Variants in GAK observed in about 807,000 individuals in gnomAD.
GAK encodes the protein cyclin G associated kinase, also known as cyclin-G-associated kinase.
In GAK, 79 loss-of-function variants were observed where a neutral mutation model predicts 143.9. The ratio of observed to expected loss-of-function variants is 0.55; its 90% CI spans 0.46 to 0.66. The LOEUF is 0.66. Among genes scored for constraint, GAK ranks in the 30% least tolerant of loss-of-function variants. The pLI is 0.00. For synonymous variants in GAK, 881 were observed against 765.5 expected, an observed-to-expected ratio of 1.15 and a Z score of -2.49; for missense variants, 1,693 against 1,779.7, an observed-to-expected ratio of 0.95 and a Z score of 0.88.
At chr4:852,074 T>C (rs1273454567) in intron 24 of GAK, 100 bp from the exon 25 acceptor site, 1 of 1,009,154 alleles carries the variant, frequency 9.9e-7, no homozygotes, top group Non-Finnish European at 1.5e-6. Flanking sequence ...AAACATGCGC[T>C]TGCAAAATAG....
chr4:903,998 T>G (rs1052807890), intron 5 of GAK, among the ~76,000 whole-genome samples: 1 of 152,268 alleles, frequency 6.6e-6, no homozygotes, highest in Non-Finnish European at 1.5e-5. Flanking sequence ...GAAGATCCGC[T>G]TCCACTGTTG....
In GAK at chr4:893,514, G is replaced by A. The variant is rs372477481; in HGVS notation, c.878-25C>T. 10 of 1,498,860 alleles carry A rather than the reference G, an allele frequency of 6.7e-6. No individual in the cohort carries two copies. In the Admixed American group the frequency reaches 6.7e-5, roughly 10 times the overall value. The allele number at this position is 1,498,860 out of a possible 1,614,324, so 92.8% of individuals were successfully genotyped here. On this transcript the variant is annotated intron_variant, in intron 8 of 27. Coordinates refer to ENST00000314167, the MANE Select transcript of GAK (RefSeq NM_005255.4). ...CCTGCAGCAGAAGCACAGCGCGCTC[G>A]GCCCCACGGTTCCCCAGGCGGGTCA...
intron 4 of GAK, among the ~76,000 whole-genome samples, chr4:910,714 G>A (rs969225615): frequency 8.6e-5 from 13 of 151,870 alleles, no homozygotes; most frequent in African/African-American, 3.1e-4. Flanking sequence ...AGTCTCCCCT[G>A]CTGCTCCCGG....
intron 5 of GAK, among the ~76,000 whole-genome samples, chr4:900,956 G>C (rs939623088): frequency 6.6e-6 from 1 of 152,178 alleles, no homozygotes; most frequent in African/African-American, 2.4e-5. Context: ...GTGCCCACAG[G>C]CTTCTGCCAT....
chr4:898,088 G>A lies in GAK; in HGVS notation c.596C>T (p.Ser199Leu), dbSNP rs759944365. 9 of 1,614,070 alleles carry A rather than the reference G, an allele frequency of 5.6e-6. No homozygotes were observed. The highest frequency in any genetic ancestry group is 1.1e-5 in the South Asian group (1 of 91,090). Residue 199 changes from serine to leucine, a missense_variant, in exon 6 of 28, where the codon TCG becomes TTG. Coordinates refer to ENST00000314167, the MANE Select transcript of GAK (RefSeq NM_005255.4). ...GCTCCAGCTGTAGTCAGGGTAGTGC[G>A]AGATGGTCGTGGCACTGCCAAAGTC... is the stretch of plus-strand genomic sequence containing the variant. The part of the protein sequence containing the change: ...LCDFGSATTI[S>L]HYPDYSWSAQ...
At chr4:902,704 A>C (rs1478024024) in intron 5 of GAK, among the ~76,000 whole-genome samples, 1 of 152,032 alleles carries the variant, frequency 6.6e-6, no homozygotes, top group East Asian at 1.9e-4. Flanking sequence ...ATAATGGAGA[A>C]GCCTCACAAC....
intron 11 of GAK, 158 bp downstream of exon 11, chr4:888,689 C>T (rs148702420): frequency 2.2e-5 from 19 of 858,492 alleles, no homozygotes; most frequent in Admixed American, 2.9e-5. Flanking sequence ...GGGCTCATTC[C>T]GACTCCCTGG....
In GAK at chr4:928,429, C is replaced by A. The variant is rs184657358; in HGVS notation, c.145+3614G>T. Among the ~76,000 whole-genome samples the A allele has an allele frequency of 2.0e-3, 302 of 152,322 alleles. 2 individuals are homozygous for A. Among genetic ancestry groups the A allele is most frequent in the South Asian group, 3.9e-3 (19 of 4,830 alleles). On this transcript the variant is annotated intron_variant, in intron 1 of 27. Transcript: ENST00000314167. The stretch of plus-strand genomic sequence containing the variant: ...CCTGTCGTCCCAGCACTCTGGGAGG[C>A]CTAGGCCAGGGGGATCACGTAGGCC...
intron 25 of GAK, chr4:851,525 T>C: frequency 3.4e-6 from 2 of 596,022 alleles, no homozygotes; most frequent in South Asian, 4.1e-5. Flanking sequence ...AGGCCATTTG[T>C]TAAAAACAGG....
At chr4:877,863 C>T in intron 15 of GAK, 54 bp from the exon 16 acceptor site, 2 of 1,464,028 alleles carry the variant, frequency 1.4e-6, no homozygotes, top group Non-Finnish European at 1.8e-6. Context: ...GGGGACCACA[C>T]AGCTGATTTT....
At chr4:849,831 A>AGGGGGCG in intron 27 of GAK, 57 bp from the exon 28 acceptor site, 1 of 999,060 alleles carries the variant, frequency 1.0e-6, no homozygotes, top group Non-Finnish European at 1.4e-6. Context: ...CGGGCGGGGC[A>AGGGGGCG]GGACCCCCCC....
intron 1 of GAK, among the ~76,000 whole-genome samples, chr4:928,885 T>C (rs886477319): frequency 3.3e-5 from 5 of 152,172 alleles, no homozygotes; most frequent in African/African-American, 1.2e-4. Flanking sequence ...TGCCTCAGCC[T>C]CCTGAGTAGC....
chr4:860,361 AC>A (rs1173011571), intron 23 of GAK, among the ~76,000 whole-genome samples: 3 of 144,020 alleles, frequency 2.1e-5, no homozygotes, highest in South Asian at 2.3e-4. Context: ...AAAAAAAAAA[AC>A]CGTGGTAGAG....
At position 883,438 on chromosome 4, in the gene GAK, C is replaced by T. The variant is rs1052911676; in HGVS notation, c.1281G>A (p.Val427=). 2 of 1,613,578 alleles carry T rather than the reference C, an allele frequency of 1.2e-6. No homozygotes were observed. Among genetic ancestry groups the T allele is most frequent in the Admixed American group, 1.7e-5 (1 of 60,008 alleles). The change falls in exon 13 of 28, where the codon GTG becomes GTA. Residue 427 remains valine (V), a synonymous_variant. Transcript: ENST00000314167. ...IAVMSFPAEG[V]ESALKNNIED... is the part of the protein sequence containing the mutation. ...CGATGTTGTTTTTGAGCGCTGACTC[C>T]ACACCTTCTGCTGGGAATGACATCA...
At position 916,671 on chromosome 4, in the gene GAK, T is replaced by A. The variant is rs113366449; in HGVS notation, c.146-3003A>T. ...AGGACCCCATACCTAGCAGAATACT[T>A]GACATTTAAAAACCGCCCAGACCAA... is the stretch of plus-strand genomic sequence containing the variant. On this transcript the variant is annotated intron_variant, in intron 1 of 27. Coordinates refer to ENST00000314167, the MANE Select transcript of GAK (RefSeq NM_005255.4). 9.1e-4 allele frequency among the ~76,000 whole-genome samples: 138 copies of A among 152,302 alleles called. 2 individuals are homozygous for A. The highest frequency in any genetic ancestry group is 3.2e-3 in the African/African-American group (133 of 41,574).
intron 5 of GAK, among the ~76,000 whole-genome samples, chr4:900,295 G>A (rs979828560): frequency 2.1e-4 from 32 of 152,122 alleles, no homozygotes; most frequent in Admixed American, 1.0e-3. Context: ...GTGGGGCCAC[G>A]TGTGCTGCCT....
At chr4:857,351 C>G (rs1467828319) in intron 24 of GAK, among the ~76,000 whole-genome samples, 1 of 152,186 alleles carries the variant, frequency 6.6e-6, no homozygotes, top group Non-Finnish European at 1.5e-5. Flanking sequence ...TTAGAAAGTG[C>G]TCCGTCTCTC....
intron 14 of GAK, 97 bp downstream of exon 14, chr4:882,600 G>T (rs949563548): frequency 6.8e-7 from 1 of 1,463,396 alleles, no homozygotes; most frequent in Non-Finnish European, 9.3e-7. Flanking sequence ...TGAAGAACAG[G>T]CCCCAGCTCA....
At position 881,810 on chromosome 4, in the gene GAK, C is replaced by A. The variant is rs764616809; in HGVS notation, c.1661+97G>T. The A allele has an allele frequency of 5.1e-6, 7 of 1,366,362 alleles. No homozygotes were observed. The African/African-American group carries it at 7.3e-5, about 14-fold the overall frequency. 84.6% of individuals were successfully genotyped at this position (1,366,362 alleles called of 1,614,324 possible). ...CTGCCTTTCCCACCAGCGCCTGCAG[C>A]GGCACCGACTGGCCCTCCAGGAGAC... On this transcript the variant is annotated intron_variant, in intron 15 of 27. Transcript: ENST00000314167.
Sources: gnomAD v4.1 joint callset for allele counts (sites outside exome capture counted in the v4.1 genomes callset) on GRCh38, gnomAD v4.1.1 for gene constraint, MANE v1.5 for transcripts, NCBI Gene and HGNC (gene_info 2026-07-23, HGNC 2026-07-21) for gene names.